Variants in MCC observed in about 807,000 individuals in gnomAD.
MCC encodes the protein colorectal mutant cancer protein.
In MCC, 90 loss-of-function variants were observed where a neutral mutation model predicts 116.2. The observed-to-expected ratio is 0.77, with a 90% confidence interval of 0.65 to 0.92. MCC has a LOEUF of 0.92. MCC is among the 40% of genes least tolerant of loss of function. MCC has a pLI of 0.00. For missense variants in MCC, 1,516 were observed against 1,312.2 expected, an observed-to-expected ratio of 1.16 and a Z score of -2.40; for synonymous variants, 578 against 510.5, an observed-to-expected ratio of 1.13 and a Z score of -1.78.
chr5:113,219,357 T>C (rs1317929674), intron 3 of MCC, among the ~76,000 whole-genome samples: 2 of 152,202 alleles, frequency 1.3e-5, no homozygotes, highest in Non-Finnish European at 2.9e-5. Flanking sequence ...CCTGAACTCC[T>C]GTGAGGACTT....
intron 2 of MCC, among the ~76,000 whole-genome samples, chr5:113,358,644 A>G (rs1561536964): frequency 6.6e-6 from 1 of 152,220 alleles, no homozygotes; most frequent in African/African-American, 2.4e-5. Flanking sequence ...TAATCCTTTC[A>G]ATATACCAGA....
chr5:113,438,278 T>C (rs973668231), intron 1 of MCC, among the ~76,000 whole-genome samples: 3 of 152,096 alleles, frequency 2.0e-5, no homozygotes, highest in Non-Finnish European at 4.4e-5. Flanking sequence ...TCTAAAGACA[T>C]GTTATCAAGG....
At chr5:113,212,658 C>G (rs559476274) in intron 3 of MCC, among the ~76,000 whole-genome samples, 1 of 152,314 alleles carries the variant, frequency 6.6e-6, no homozygotes, top group African/African-American at 2.4e-5. Context: ...GTTTTATTCT[C>G]TCACTTCCCA....
At chr5:113,143,078 A>C in intron 5 of MCC, 140 bp downstream of exon 5, 1 of 928,642 alleles carries the variant, frequency 1.1e-6, no homozygotes, top group Admixed American at 3.4e-5. Context: ...CTTAGATACA[A>C]AGAAAACATC....
At chr5:113,354,497 C>T (rs559196533) in intron 2 of MCC, among the ~76,000 whole-genome samples, 5 of 149,492 alleles carry the variant, frequency 3.3e-5, no homozygotes, top group Admixed American at 6.7e-5. Flanking sequence ...TGCAGTGGCA[C>T]GATCTCGGCT....
At chr5:113,427,039 A>T (rs1000373351) in intron 1 of MCC, among the ~76,000 whole-genome samples, 1 of 152,152 alleles carries the variant, frequency 6.6e-6, no homozygotes, top group Non-Finnish European at 1.5e-5. Context: ...CCTAATTGAT[A>T]TATTTTTTCT....
chr5:113,246,769 G>A (rs7724717), intron 3 of MCC, among the ~76,000 whole-genome samples: 1 of 152,110 alleles, frequency 6.6e-6, no homozygotes, highest in Admixed American at 6.5e-5. Context: ...CTTCTGTAAA[G>A]CACTCTACTC....
chr5:113,117,048 C>CACTG (rs1283583368), intron 6 of MCC, among the ~76,000 whole-genome samples: 1 of 152,250 alleles, frequency 6.6e-6, no homozygotes, highest in East Asian at 1.9e-4. Flanking sequence ...ACTAGAGGAT[C>CACTG]ACTGACTATC....
chr5:113,134,117 T>G (rs1443638654), intron 5 of MCC, among the ~76,000 whole-genome samples: 3 of 152,258 alleles, frequency 2.0e-5, no homozygotes, highest in Non-Finnish European at 4.4e-5. Context: ...TCATTGCCTA[T>G]GCTTTTGAGG....
intron 13 of MCC, 79 bp from the exon 14 acceptor site, chr5:113,064,246 C>T: frequency 7.5e-7 from 1 of 1,331,324 alleles, no homozygotes; most frequent in Admixed American, 2.1e-5. Flanking sequence ...GCATAATTAA[C>T]TCTGTTACTT....
In MCC at chr5:113,122,782, C is replaced by G; in HGVS notation, c.929G>C (p.Ser310Thr). 6.2e-7 allele frequency: 1 copy of G among 1,614,154 alleles called. No homozygotes were observed. The highest frequency in any genetic ancestry group is 1.3e-5 in the African/African-American group (1 of 75,028). ...AGAGTCCTCGTTGACCTCGTGTTGGCTCTGGCTGAGTTCTGATCGCAGTTC... is the reference window on the plus strand; with the variant it reads ...AGAGTCCTCGTTGACCTCGTGTTGGGTCTGGCTGAGTTCTGATCGCAGTTC... The part of the protein sequence containing the change: ...YSELRSELSQ[S>T]QHEVNEDSRS... The change falls in exon 6 of 19, where the codon AGC (serine) becomes ACC (threonine). Residue 310 changes from serine (S) to threonine (T), a missense_variant. Physicochemically the swap from Ser to Thr is moderately conservative, Grantham distance 58. Transcript: ENST00000408903.
intron 14 of MCC, among the ~76,000 whole-genome samples, chr5:113,054,873 T>C (rs1327187392): frequency 2.6e-5 from 4 of 152,202 alleles, no homozygotes; most frequent in Non-Finnish European, 5.9e-5. Context: ...AGGCCACGGC[T>C]TTCAAGTGGG....
chr5:113,381,604 T>C lies in MCC; in HGVS notation c.415+3364A>G, dbSNP rs138068810. 7.8e-3 allele frequency among the ~76,000 whole-genome samples: 1,186 copies of C among 152,068 alleles called. 10 individuals are homozygous for C. Among genetic ancestry groups the C allele is most frequent in the Non-Finnish European group, 0.013 (877 of 67,966 alleles). On this transcript the variant is annotated intron_variant, in intron 2 of 18. Coordinates refer to ENST00000408903, the MANE Select transcript of MCC (RefSeq NM_001085377.2). ...AGAGTTGAGACTATCCTGGACAACA[T>C]AGTGAAACCCATCTCCACAAAAAAA...
intron 1 of MCC, among the ~76,000 whole-genome samples, chr5:113,483,408 T>G (rs1244657183): frequency 6.6e-6 from 1 of 152,208 alleles, no homozygotes; most frequent in African/African-American, 2.4e-5. Context: ...CATGTGATTT[T>G]TTCCATTTAT....
intron 3 of MCC, among the ~76,000 whole-genome samples, chr5:113,222,936 A>G (rs548317524): frequency 1.3e-5 from 2 of 152,208 alleles, no homozygotes; most frequent in Non-Finnish European, 2.9e-5. Context: ...CAGAGATTAC[A>G]AAGGCGAAGA....
At position 113,049,143 on chromosome 5, in the gene MCC, T is replaced by C; in HGVS notation, c.2605A>G (p.Met869Val). Residue 869 changes from methionine (M) to valine (V), a missense_variant, in exon 16 of 19, where the codon ATG becomes GTG. By Grantham distance (21) the Met-to-Val change is conservative. Coordinates refer to ENST00000408903, the MANE Select transcript of MCC (RefSeq NM_001085377.2). ...SEVEEQKEQRMRSLSSTSSGS... is the reference protein window; with the variant it reads ...SEVEEQKEQRVRSLSSTSSGS... ...CTGCTGGTGGAGCTGAGGGATCGCA[T>C]CCGCTGCTCCTTCTGCTCCTCCACC... The C allele has an allele frequency of 6.2e-7, 1 of 1,614,228 alleles. No homozygotes were observed. The highest frequency in any genetic ancestry group is 8.5e-7 in the Non-Finnish European group (1 of 1,180,036).
At chr5:113,123,415 A>C (rs530698588) in intron 5 of MCC, among the ~76,000 whole-genome samples, 26 of 152,336 alleles carry the variant, frequency 1.7e-4, no homozygotes, top group Admixed American at 2.0e-4. Context: ...AGGGGGTAGG[A>C]AGAGAGGATG....
rs903932092 is a variant in MCC at position 113,079,150 on chromosome 5, A to C, written c.1784+3710T>G. ...GAGAACTACAAACCACTGCTCAACG[A>C]AATAGAAGAAACAAACAAATGGAAG... On this transcript the variant is annotated intron_variant, in intron 11 of 18. Coordinates refer to ENST00000408903, the MANE Select transcript of MCC (RefSeq NM_001085377.2). 3.9e-5 allele frequency among the ~76,000 whole-genome samples: 6 copies of C among 152,218 alleles called. No individual in the cohort carries two copies. In the South Asian group the frequency reaches 1.2e-3, roughly 32 times the overall value.
intron 3 of MCC, among the ~76,000 whole-genome samples, chr5:113,296,985 C>G (rs1766730311): frequency 6.6e-6 from 1 of 152,152 alleles, no homozygotes; most frequent in Admixed American, 6.5e-5. Context: ...GAAGCAGTGT[C>G]TGTAGATTCT....
Sources: gnomAD v4.1 joint callset for allele counts (sites outside exome capture counted in the v4.1 genomes callset) on GRCh38, gnomAD v4.1.1 for gene constraint, MANE v1.5 for transcripts, NCBI Gene and HGNC (gene_info 2026-07-23, HGNC 2026-07-21) for gene names.